The following PLSCR1 variants were observed in gnomAD, a reference collection of about 807,000 sequenced individuals.
PLSCR1 encodes PL scramblase 1.
A neutral mutation model predicts 37.8 loss-of-function variants in PLSCR1; 17 were observed. The observed-to-expected ratio is 0.45, with a 90% CI of 0.31 to 0.68. The LOEUF is 0.68. Ranked by LOEUF, PLSCR1 falls within the 30% of genes least tolerant of loss-of-function variation. The pLI is 0.06. For synonymous variants in PLSCR1, 116 were observed against 125.9 expected (o/e 0.92, Z 0.53); for missense variants, 347 against 380.9 (o/e 0.91, Z 0.74).
rs897760755 is a variant in PLSCR1, at chr3:146,515,204, C to T, written c.*841G>A. On this transcript the variant is annotated 3_prime_UTR_variant, in exon 9 of 9. Transcript: ENST00000342435. ...ATACAAAAAAATCAAGTTTTTATTT[C>T]AAATATTTGAATCTAATAGATCATT... 1 of 152,076 alleles carries T rather than the reference C, an allele frequency of 6.6e-6. No homozygotes were observed. Among genetic ancestry groups the T allele is most frequent in the Admixed American group, 6.5e-5 (1 of 15,274 alleles). 9.4% of individuals were successfully genotyped at this position (152,076 alleles called of 1,614,324 possible).
intron 4 of PLSCR1, among the ~76,000 whole-genome samples, chr3:146,525,888 T>G (rs2044101428): frequency 6.6e-6 from 1 of 151,868 alleles, no homozygotes; most frequent in South Asian, 2.1e-4. Context: ...TATACTGGAG[T>G]ACCTTTAAAA....
intron 3 of PLSCR1, among the ~76,000 whole-genome samples, chr3:146,533,219 T>TA (rs1404011976): frequency 3.9e-5 from 6 of 152,220 alleles, no homozygotes; most frequent in Non-Finnish European, 7.4e-5. Context: ...ATGTTGTTTT[T>TA]ACTAGCTTTC....
At chr3:146,533,139 AAAAT>A (rs747457628) in intron 3 of PLSCR1, among the ~76,000 whole-genome samples, 3 of 152,200 alleles carry the variant, frequency 2.0e-5, no homozygotes, top group Admixed American at 6.5e-5. Context: ...GAGGATCAAT[AAAAT>A]ATTTTACTTA....
chr3:146,533,110 A>G lies in PLSCR1; in HGVS notation c.94+360T>C, dbSNP rs2044220296. 2.0e-5 allele frequency among the ~76,000 whole-genome samples: 3 copies of G among 152,336 alleles called. No homozygotes were observed. The South Asian group carries it at 6.2e-4, about 32-fold the overall frequency. ...ATTTCCTAAATGTGATTAAATGATC[A>G]TAATTTTCAGAACAGATGGAGGATC... On this transcript the variant is annotated intron_variant, in intron 3 of 8. Transcript: ENST00000342435.
chr3:146,526,183 C>CAAA (rs60229241), intron 4 of PLSCR1, among the ~76,000 whole-genome samples: 177 of 42,608 alleles, frequency 4.2e-3, no homozygotes, highest in African/African-American at 8.1e-3. Context: ...GACTCCATCT[C>CAAA]AAAAAAAAAA....
chr3:146,521,304 T>G (rs780387508), intron 7 of PLSCR1, among the ~76,000 whole-genome samples: 3 of 152,164 alleles, frequency 2.0e-5, no homozygotes, highest in Non-Finnish European at 1.5e-5. Flanking sequence ...GAGGGATGAT[T>G]TGCTTATTTT....
At chr3:146,520,460 A>G (rs575758399) in intron 7 of PLSCR1, among the ~76,000 whole-genome samples, 1 of 152,280 alleles carries the variant, frequency 6.6e-6, no homozygotes, top group South Asian at 2.1e-4. Flanking sequence ...ATACCCTTAC[A>G]TAAAATTTTT....
chr3:146,535,505 CTTT>C, intron 2 of PLSCR1, among the ~76,000 whole-genome samples: 1 of 152,112 alleles, frequency 6.6e-6, no homozygotes, highest in Admixed American at 6.5e-5. Flanking sequence ...CTTAAAGGTA[CTTT>C]TTTTTATGTC....
In PLSCR1 at chr3:146,535,300, C is replaced by T. The variant is rs117097148; in HGVS notation, c.13+1240G>A. Among the ~76,000 whole-genome samples, 64 of 152,144 alleles carry T rather than the reference C, an allele frequency of 4.2e-4. No individual in the cohort carries two copies. In the East Asian group the frequency reaches 0.01, roughly 25 times the overall value. On this transcript the variant is annotated intron_variant, in intron 2 of 8. Transcript: ENST00000342435. Reference sequence around the variant, plus strand: ...ACAGACAGACTCAAGAAATCATGAGCTCACAATCTCTGGGCTTTTGGTACC... The same window carrying T: ...ACAGACAGACTCAAGAAATCATGAGTTCACAATCTCTGGGCTTTTGGTACC...
At chr3:146,526,894 C>G (rs2044124515) in intron 4 of PLSCR1, among the ~76,000 whole-genome samples, 1 of 152,168 alleles carries the variant, frequency 6.6e-6, no homozygotes, top group South Asian at 2.1e-4. Flanking sequence ...GTAATCCCAG[C>G]ATTTTGGGAG....
At chr3:146,526,855 G>C (rs890046154) in intron 4 of PLSCR1, among the ~76,000 whole-genome samples, 13 of 152,122 alleles carry the variant, frequency 8.5e-5, no homozygotes, top group Non-Finnish European at 1.5e-4. Context: ...GAAGTAGAGA[G>C]TAGAGGCCAG....
At chr3:146,543,854 C>G (rs1220895545) in intron 1 of PLSCR1, among the ~76,000 whole-genome samples, 1 of 152,118 alleles carries the variant, frequency 6.6e-6, no homozygotes, top group Non-Finnish European at 1.5e-5. Flanking sequence ...AGACGTGAAG[C>G]AGTAGAGGCC....
intron 4 of PLSCR1, among the ~76,000 whole-genome samples, chr3:146,526,269 A>T (rs1576787324): frequency 6.6e-6 from 1 of 151,890 alleles, no homozygotes; most frequent in East Asian, 1.9e-4. Flanking sequence ...AAAAATGCTC[A>T]ACATCACTAA....
rs113371327 is a variant in PLSCR1, at chr3:146,532,815, C to A, written c.94+655G>T. Among the ~76,000 whole-genome samples, 602 of 152,238 alleles carry A rather than the reference C, an allele frequency of 4.0e-3. 1 individual carries two copies. Among genetic ancestry groups the A allele is most frequent in the Non-Finnish European group, 7.2e-3 (487 of 68,010 alleles). On this transcript the variant is annotated intron_variant, in intron 3 of 8. Coordinates refer to ENST00000342435, the MANE Select transcript of PLSCR1 (RefSeq NM_021105.3). ...TAACTGCATTTGCCTAAATGAAAAT[C>A]TCTGAATTCTTTCAGGCATTGGTTG...
At chr3:146,535,642 T>G (rs530018310) in intron 2 of PLSCR1, among the ~76,000 whole-genome samples, 3 of 152,332 alleles carry the variant, frequency 2.0e-5, no homozygotes, top group South Asian at 2.1e-4. Context: ...GAGTTAAAAG[T>G]TGCCTATGAC....
chr3:146,535,440 G>A (rs936005249), intron 2 of PLSCR1, among the ~76,000 whole-genome samples: 6 of 152,206 alleles, frequency 3.9e-5, no homozygotes, highest in East Asian at 1.9e-4. Context: ...TGATTACTGC[G>A]TTTTTGAAAT....
intron 7 of PLSCR1, among the ~76,000 whole-genome samples, chr3:146,518,273 A>C (rs921822211): frequency 6.6e-6 from 1 of 152,194 alleles, no homozygotes; most frequent in African/African-American, 2.4e-5. Context: ...AGCCACTAGA[A>C]AAGCATGACT....
At chr3:146,539,257 A>G (rs1366017279) in intron 1 of PLSCR1, among the ~76,000 whole-genome samples, 2 of 152,176 alleles carry the variant, frequency 1.3e-5, no homozygotes, top group Non-Finnish European at 2.9e-5. Flanking sequence ...AGTTCACAAT[A>G]GGGTTCTTGC....
intron 1 of PLSCR1, among the ~76,000 whole-genome samples, chr3:146,539,336 G>A (rs943592510): frequency 1.3e-5 from 2 of 152,160 alleles, no homozygotes; most frequent in African/African-American, 2.4e-5. Context: ...GTATGTGAGC[G>A]ATGGGGAGCA....
Sources: gnomAD v4.1 joint callset for allele counts (sites outside exome capture counted in the v4.1 genomes callset) on GRCh38, gnomAD v4.1.1 for gene constraint, MANE v1.5 for transcripts, NCBI Gene and HGNC (gene_info 2026-07-23, HGNC 2026-07-21) for gene names.